PDE4D: variants seen among roughly 807,000 people sequenced by gnomAD.
PDE4D encodes the protein phosphodiesterase 4D, also known as 3',5'-cyclic-AMP phosphodiesterase 4D.
Under a neutral mutation model 87.4 loss-of-function variants are expected in PDE4D, and 24 were observed. That is an observed-to-expected ratio of 0.27 (90% CI 0.20 to 0.39). The LOEUF (loss-of-function observed/expected upper bound fraction) is 0.39. Ranked by LOEUF, PDE4D falls within the 10% of genes least tolerant of loss-of-function variation. The pLI is 1.00. For missense variants in PDE4D, 714 were observed against 1,041.0 expected (o/e 0.69, Z 4.32); for synonymous variants, 384 against 383.2 (o/e 1.00, Z -0.02).
intron 5 of PDE4D, among the ~76,000 whole-genome samples, chr5:59,144,338 C>T (rs1230644186): frequency 6.6e-6 from 1 of 152,104 alleles, no homozygotes; most frequent in African/African-American, 2.4e-5. Flanking sequence ...CACTGATGAT[C>T]AGTGAGATCC....
At chr5:60,225,204 T>C (rs1744945246) in intron 1 of PDE4D, among the ~76,000 whole-genome samples, 1 of 152,064 alleles carries the variant, frequency 6.6e-6, no homozygotes, top group Admixed American at 6.6e-5. Flanking sequence ...CCCTAGTTCC[T>C]TTGTTCTACC....
At chr5:59,214,561 T>C (rs1007305119) in intron 2 of PDE4D, among the ~76,000 whole-genome samples, 7 of 152,196 alleles carry the variant, frequency 4.6e-5, no homozygotes, top group Non-Finnish European at 1.0e-4. Context: ...TGGTCTAAAA[T>C]GCCAGACCTC....
intron 1 of PDE4D, among the ~76,000 whole-genome samples, chr5:60,385,629 C>T (rs1188968074): frequency 6.6e-6 from 1 of 152,170 alleles, no homozygotes; most frequent in Non-Finnish European, 1.5e-5. Flanking sequence ...TGACCTGTGT[C>T]CTACTTTCTT....
intron 5 of PDE4D, among the ~76,000 whole-genome samples, chr5:59,111,211 G>A (rs1434174691): frequency 6.6e-6 from 1 of 152,182 alleles, no homozygotes; most frequent in Non-Finnish European, 1.5e-5. Context: ...GCAAACTAGT[G>A]AGAAGTGGCT....
intron 1 of PDE4D, among the ~76,000 whole-genome samples, chr5:59,531,621 C>A (rs1003364634): frequency 6.6e-6 from 1 of 152,138 alleles, no homozygotes; most frequent in African/African-American, 2.4e-5. Flanking sequence ...TGCTTCCTTG[C>A]CCTTTCTAGC....
chr5:59,491,183 A>G (rs1806119544), intron 1 of PDE4D, among the ~76,000 whole-genome samples: 1 of 152,202 alleles, frequency 6.6e-6, no homozygotes. Context: ...ACTTTTCTCT[A>G]TGTTTAAAAC....
chr5:60,313,090 T>A (rs1755196641), intron 1 of PDE4D, among the ~76,000 whole-genome samples: 1 of 151,196 alleles, frequency 6.6e-6, no homozygotes, highest in Admixed American at 6.6e-5. Flanking sequence ...CAGAATTGAA[T>A]GAAATTGAAA....
chr5:60,436,721 G>A (rs1317997086), intron 1 of PDE4D, among the ~76,000 whole-genome samples: 5 of 152,018 alleles, frequency 3.3e-5, no homozygotes, highest in Non-Finnish European at 7.4e-5. Flanking sequence ...CCACTAGGAT[G>A]CATTCGGTTC....
At chr5:59,397,945 A>G (rs1789799019) in intron 1 of PDE4D, among the ~76,000 whole-genome samples, 1 of 121,016 alleles carries the variant, frequency 8.3e-6, no homozygotes, top group Non-Finnish European at 1.8e-5. Context: ...AGAGAATACT[A>G]CAAACACCTC....
In PDE4D at chr5:58,988,381, C is replaced by T. The variant is rs3805557; in HGVS notation, c.1552+112G>A. On this transcript the variant is annotated intron_variant, in intron 11 of 14. Transcript: ENST00000340635. The stretch of plus-strand genomic sequence containing the variant: ...GAACTATCACTAAAACACATATATA[C>T]ACATCTCAAAAGAACATTATGGCTC... The T allele has an allele frequency of 0.83, 364,958 of 440,620 alleles. 151,521 individuals are homozygous for T. Among genetic ancestry groups the T allele is most frequent in the Admixed American group, 0.88 (22,123 of 25,008 alleles). 27.3% of individuals were successfully genotyped at this position (440,620 alleles called of 1,614,324 possible). A position where few individuals can be genotyped will look rare whatever the true frequency, so the allele number is the denominator to read the frequency against.
chr5:59,145,007 AAAGT>A (rs770922867), intron 5 of PDE4D, among the ~76,000 whole-genome samples: 37 of 152,062 alleles, frequency 2.4e-4, no homozygotes, highest in Non-Finnish European at 4.1e-4. Context: ...GTATCCATGA[AAAGT>A]AAGTTTGAAA....
chr5:59,665,433 C>A (rs1745921028), intron 1 of PDE4D, among the ~76,000 whole-genome samples: 2 of 152,124 alleles, frequency 1.3e-5, no homozygotes, highest in Admixed American at 6.5e-5. Context: ...TTTTATTTTT[C>A]CCAACATAAA....
intron 2 of PDE4D, among the ~76,000 whole-genome samples, chr5:60,155,434 A>C (rs1218598438): frequency 6.6e-6 from 1 of 152,110 alleles, no homozygotes; most frequent in Non-Finnish European, 1.5e-5. Context: ...TCCTAATGGG[A>C]TGTGTGTCTC....
chr5:59,892,263 G>T (rs1260131962), intron 1 of PDE4D, among the ~76,000 whole-genome samples: 2 of 152,142 alleles, frequency 1.3e-5, no homozygotes, highest in African/African-American at 4.8e-5. Flanking sequence ...GAGAAGCAGC[G>T]GTCAACTTCT....
At chr5:59,321,536 T>C (rs1774724562) in intron 1 of PDE4D, among the ~76,000 whole-genome samples, 1 of 152,072 alleles carries the variant, frequency 6.6e-6, no homozygotes, top group African/African-American at 2.4e-5. Flanking sequence ...TTTCAAATTA[T>C]CTCCTGCAAC....
At chr5:59,853,167 G>T (rs1467163818) in intron 1 of PDE4D, among the ~76,000 whole-genome samples, 1 of 152,040 alleles carries the variant, frequency 6.6e-6, no homozygotes, top group Non-Finnish European at 1.5e-5. Flanking sequence ...ATCGTGATAT[G>T]AAGGACTCCT....
rs78329027 is a variant in PDE4D at position 60,399,273 on chromosome 5, T to C, written c.-90+88669A>G. Reference sequence around the variant, plus strand: ...GAAAAGGAACTGAAGGATATCTCTTTATATTTTCTTCTCCTACTTGAAATA... The same window carrying C: ...GAAAAGGAACTGAAGGATATCTCTTCATATTTTCTTCTCCTACTTGAAATA... On this transcript the variant is annotated intron_variant, in intron 1 of 16. Transcript: ENST00000502484. 1.8e-4 allele frequency among the ~76,000 whole-genome samples: 28 copies of C among 152,284 alleles called. No individual in the cohort carries two copies. In the East Asian group the frequency reaches 5.0e-3, roughly 27 times the overall value.
At chr5:59,768,897 G>A (rs1763158051) in intron 1 of PDE4D, among the ~76,000 whole-genome samples, 1 of 152,164 alleles carries the variant, frequency 6.6e-6, no homozygotes, top group African/African-American at 2.4e-5. Flanking sequence ...AGTCCTGGGG[G>A]GAGGGCTTAA....
chr5:60,287,310 C>T (rs561995716), intron 1 of PDE4D, among the ~76,000 whole-genome samples: 7 of 152,112 alleles, frequency 4.6e-5, no homozygotes, highest in African/African-American at 1.7e-4. Context: ...AAATGCAGCT[C>T]CCCTAGCTGT....
Sources: allele counts gnomAD v4.1 joint callset (sites outside exome capture counted in the v4.1 genomes callset), GRCh38; gene constraint gnomAD v4.1.1; transcripts MANE v1.5; gene names NCBI Gene and HGNC (gene_info 2026-07-23, HGNC 2026-07-21).